Variants in OPA3 observed in about 807,000 individuals in gnomAD.
OPA3 encodes optic atrophy 3 protein.
OPA3 carries 6 observed loss-of-function variants against 4.0 expected under a neutral mutation model. The ratio of observed to expected loss-of-function variants is 1.51; its 90% CI spans 0.83 to 2.99. OPA3 has a LOEUF of 2.99. Ranked by LOEUF, OPA3 falls within the 30% of genes most tolerant of loss-of-function variation. The probability of loss-of-function intolerance (pLI) is 0.00; values close to 1 mark genes in which losing one functional copy is unlikely to be tolerated. For synonymous variants in OPA3, 105 were observed against 117.1 expected, an observed-to-expected ratio of 0.90 and a Z score of 0.67; for missense variants, 235 against 256.2, an observed-to-expected ratio of 0.92 and a Z score of 0.56.
At chr19:45,541,271 G>T (rs1057268747) in intron 1 of OPA3, among the ~76,000 whole-genome samples, 2 of 152,184 alleles carry the variant, frequency 1.3e-5, no homozygotes, top group Non-Finnish European at 2.9e-5. Flanking sequence ...GGCAGGGGGT[G>T]TCAGAGGAAG....
intron 1 of OPA3, among the ~76,000 whole-genome samples, chr19:45,577,042 TC>T (rs1447936480): frequency 6.6e-6 from 1 of 152,172 alleles, no homozygotes; most frequent in African/African-American, 2.4e-5. Context: ...TCTCACAGCC[TC>T]CCTGGGAGCA....
At chr19:45,574,373 G>A (rs551477038) in intron 1 of OPA3, among the ~76,000 whole-genome samples, 2 of 149,766 alleles carry the variant, frequency 1.3e-5, no homozygotes, top group South Asian at 4.3e-4. Flanking sequence ...CTCCAGCCTG[G>A]GCGACAGAGC....
rs538649661 is a variant in OPA3, at chr19:45,539,939, T to A, written c.143-10483A>T. ...ATGAATGTGAGGGATCTTTTGGAGA[T>A]GATGGAAATGTTCTGAAATTGGAAT... On this transcript the variant is annotated intron_variant, in intron 1 of 1. Coordinates refer to the OPA3 transcript ENST00000323060. Among the ~76,000 whole-genome samples the A allele has an allele frequency of 7.2e-5, 11 of 152,214 alleles. No individual in the cohort carries two copies. In the South Asian group the frequency reaches 2.3e-3, roughly 32 times the overall value.
chr19:45,541,893 A>G (rs1969189292), downstream of OPA3, among the ~76,000 whole-genome samples: 1 of 152,144 alleles, frequency 6.6e-6, no homozygotes. Flanking sequence ...GAAGGCTTCA[A>G]GGATACGAAG....
At chr19:45,573,934 G>A (rs901220957) in intron 1 of OPA3, among the ~76,000 whole-genome samples, 17 of 152,292 alleles carry the variant, frequency 1.1e-4, no homozygotes, top group African/African-American at 3.8e-4. Flanking sequence ...AGGCCACAGC[G>A]GGCGGATCAC....
In OPA3 at chr19:45,553,774, C is replaced by T; in HGVS notation, c.280G>A (p.Gly94Ser). Residue 94 changes from glycine to serine, a missense_variant, in exon 2 of 2, where the codon GGC becomes AGC. Coordinates refer to ENST00000263275, the MANE Select transcript of OPA3 (RefSeq NM_025136.4). ...LGEATIFIVG[G>S]GCLVLEYWRH... ...CAGTACTCCAGCACTAGGCAGCCGCCGCCCACGATGAAGATGGTGGCTTCG... is the reference window on the plus strand; with the variant it reads ...CAGTACTCCAGCACTAGGCAGCCGCTGCCCACGATGAAGATGGTGGCTTCG... 3 of 1,612,904 alleles carry T rather than the reference C, an allele frequency of 1.9e-6. No homozygotes were observed. The highest frequency in any genetic ancestry group is 1.7e-6 in the Non-Finnish European group (2 of 1,179,824).
intron 1 of OPA3, among the ~76,000 whole-genome samples, chr19:45,533,473 C>T (rs769788518): frequency 2.2e-4 from 33 of 152,240 alleles, no homozygotes; most frequent in Non-Finnish European, 3.2e-4. Flanking sequence ...GGATTACATG[C>T]GTGAGCCACC....
chr19:45,546,121 G>A (rs1969245640), downstream of OPA3, among the ~76,000 whole-genome samples: 1 of 151,958 alleles, frequency 6.6e-6, no homozygotes, highest in Admixed American at 6.6e-5. Context: ...AATACATAAT[G>A]TATGATATTA....
At chr19:45,565,795 T>G (rs886899546) in intron 1 of OPA3, among the ~76,000 whole-genome samples, 20 of 151,790 alleles carry the variant, frequency 1.3e-4, no homozygotes, top group African/African-American at 4.6e-4. Flanking sequence ...ACAAAAAGAT[T>G]TTTAAATTAG....
chr19:45,581,306 A>AG (rs34677782), intron 1 of OPA3, among the ~76,000 whole-genome samples: 6 of 152,112 alleles, frequency 3.9e-5, no homozygotes, highest in Admixed American at 2.0e-4. Context: ...AAACTTACAG[A>AG]GGGGGAAAAA....
intron 1 of OPA3, among the ~76,000 whole-genome samples, chr19:45,555,428 C>T (rs1031423267): frequency 3.9e-5 from 6 of 152,184 alleles, no homozygotes; most frequent in Non-Finnish European, 8.8e-5. Context: ...CTCGACCTTC[C>T]AGGCTCAAAT....
At chr19:45,540,319 AAAAAAT>A (rs1359892445) in intron 1 of OPA3, among the ~76,000 whole-genome samples, 1 of 110,340 alleles carries the variant, frequency 9.1e-6, no homozygotes, top group Non-Finnish European at 1.9e-5. Context: ...TCTGTCTCAA[AAAAAAT>A]AAAAAATAAA....
rs534966204 is a variant in OPA3, at chr19:45,563,352, G to A, written c.143-9441C>T. ...TTTTTGTATTTTTAGTAGAGACGGG[G>A]TTTCACCGTGTTAGCCAGGATGGTC... On this transcript the variant is annotated intron_variant, in intron 1 of 1. Transcript: ENST00000263275. 2.1e-3 allele frequency among the ~76,000 whole-genome samples: 314 copies of A among 151,644 alleles called. 2 individuals carry two copies. Among genetic ancestry groups the A allele is most frequent in the African/African-American group, 7.3e-3 (303 of 41,336 alleles).
intron 1 of OPA3, among the ~76,000 whole-genome samples, chr19:45,537,928 T>C (rs1482763221): frequency 6.6e-6 from 1 of 152,020 alleles, no homozygotes; most frequent in Non-Finnish European, 1.5e-5. Context: ...TCATAATATA[T>C]ATGTTTTCAA....
intron 1 of OPA3, among the ~76,000 whole-genome samples, chr19:45,568,298 T>A (rs1421972846): frequency 6.6e-6 from 1 of 152,104 alleles, no homozygotes; most frequent in Non-Finnish European, 1.5e-5. Context: ...CAAGCCACCC[T>A]CCTGCCTCAG....
chr19:45,570,401 G>A (rs1307377139), intron 1 of OPA3, among the ~76,000 whole-genome samples: 2 of 152,184 alleles, frequency 1.3e-5, no homozygotes. Flanking sequence ...TGTCAAAGCT[G>A]GCTGGGAGCG....
At chr19:45,535,575 T>C (rs1000960232) in intron 1 of OPA3, among the ~76,000 whole-genome samples, 2 of 151,806 alleles carry the variant, frequency 1.3e-5, no homozygotes, top group Admixed American at 1.3e-4. Context: ...TTCAGGCTGG[T>C]CTCGAACTCC....
intron 1 of OPA3, among the ~76,000 whole-genome samples, chr19:45,558,256 C>T (rs1969450164): frequency 6.6e-6 from 1 of 152,042 alleles, no homozygotes; most frequent in East Asian, 1.9e-4. Context: ...CGCTTGAACC[C>T]AGGAGGTGGA....
chr19:45,573,636 GGACAGATAAGCAGGCAGCCT>G (rs779265215), intron 1 of OPA3, among the ~76,000 whole-genome samples: 1 of 152,154 alleles, frequency 6.6e-6, no homozygotes, highest in Non-Finnish European at 1.5e-5. Context: ...GGCAGAGCGG[GGACAGATAAGCAGGCAGCCT>G]GGTTCGAGGC....
Sources: allele counts gnomAD v4.1 joint callset (sites outside exome capture counted in the v4.1 genomes callset), GRCh38; gene constraint gnomAD v4.1.1; transcripts MANE v1.5; gene names NCBI Gene and HGNC (gene_info 2026-07-23, HGNC 2026-07-21).